The following XKRX variants were observed in gnomAD, a reference collection of about 807,000 sequenced individuals.
The protein encoded by XKRX is XK related X-linked.
Under a neutral mutation model 22.4 loss-of-function variants are expected in XKRX, and 11 were observed. The ratio of observed to expected loss-of-function variants is 0.49; its 90% CI spans 0.31 to 0.81. The LOEUF is 0.81. XKRX is among the 40% of genes least tolerant of loss of function. The probability of loss-of-function intolerance (pLI) is 0.05; values close to 1 mark genes in which losing one functional copy is unlikely to be tolerated. For missense variants in XKRX, 320 were observed against 336.5 expected (o/e 0.95, Z 0.38); for synonymous variants, 114 against 132.2 (o/e 0.86, Z 0.94).
At chrX:100,903,918 C>T in the XKRX span, among the ~76,000 whole-genome samples, 2 of 111,901 alleles carry the variant, frequency 1.8e-5, no homozygotes, top group African/African-American at 3.2e-5. Context: ...TTCCCAAATT[C>T]TTCTATAGCT....
At chrX:100,929,604 G>T (rs1444226538), upstream of XKRX, among the ~76,000 whole-genome samples, 2 of 111,685 alleles carry the variant, frequency 1.8e-5, no homozygotes, top group Non-Finnish European at 3.8e-5. Context: ...CATGAAGGGG[G>T]AACCTGGGAG....
chrX:100,954,216 T>G, the XKRX span, among the ~76,000 whole-genome samples: 1 of 110,869 alleles, frequency 9.0e-6, no homozygotes, highest in African/African-American at 3.3e-5. Flanking sequence ...GTCAGGAGTT[T>G]GAGACCAGCC....
chrX:100,927,961 G>A lies in XKRX; in HGVS notation c.335+9C>T. 1 of 1,175,090 alleles carries A rather than the reference G, an allele frequency of 8.5e-7. No homozygotes were observed. Among genetic ancestry groups the A allele is most frequent in the Non-Finnish European group, 1.1e-6 (1 of 879,664 alleles). ...AGGGGGGTAAGGAAAAGATTTAAAAGTTGCTCACCTGATAACAGGTCCCAA... is the reference window on the plus strand; with the variant it reads ...AGGGGGGTAAGGAAAAGATTTAAAAATTGCTCACCTGATAACAGGTCCCAA... On this transcript the variant is annotated intron_variant, in intron 1 of 2. Coordinates refer to ENST00000372956, the MANE Select transcript of XKRX (RefSeq NM_212559.3).
In XKRX at chrX:100,928,646, A is replaced by G; in HGVS notation, c.-342T>C. 1 of 827,125 alleles carries G rather than the reference A, an allele frequency of 1.2e-6. No homozygotes were observed. Among genetic ancestry groups the G allele is most frequent in the Non-Finnish European group, 1.5e-6 (1 of 687,439 alleles). The allele number at this position is 827,125 out of a possible 1,213,427, so 68.2% of individuals were successfully genotyped here. A position where few individuals can be genotyped will look rare whatever the true frequency, so the allele number is the denominator to read the frequency against. On this transcript the variant is annotated 5_prime_UTR_variant, in exon 1 of 3. The change abolishes an upstream ATG in the 5' untranslated region. Coordinates refer to ENST00000372956, the MANE Select transcript of XKRX (RefSeq NM_212559.3). Reference sequence around the variant, plus strand: ...TCCAACTCCAGGGACGTGAAGAGTCATGAGAACAGCGGCTTCCGTGGCGGC... The same window carrying G: ...TCCAACTCCAGGGACGTGAAGAGTCGTGAGAACAGCGGCTTCCGTGGCGGC...
At chrX:100,959,202 T>C in the XKRX span, among the ~76,000 whole-genome samples, 2 of 111,949 alleles carry the variant, frequency 1.8e-5, no homozygotes, top group Non-Finnish European at 3.8e-5. Flanking sequence ...CTTTTCCTCC[T>C]ATTGTTTTTA....
the XKRX span, among the ~76,000 whole-genome samples, chrX:100,951,221 C>T: frequency 2.7e-5 from 2 of 73,366 alleles, no homozygotes; most frequent in Non-Finnish European, 4.7e-5. Flanking sequence ...GCGACAAGAG[C>T]GAGGCTCCAT....
At chrX:100,892,291 G>A in the XKRX span, among the ~76,000 whole-genome samples, 1 of 111,546 alleles carries the variant, frequency 9.0e-6, no homozygotes, top group African/African-American at 3.3e-5. Context: ...AATTGTATAA[G>A]TAAAAATAAC....
the XKRX span, among the ~76,000 whole-genome samples, chrX:100,892,355 T>C: frequency 2.7e-5 from 3 of 111,787 alleles, no homozygotes; most frequent in African/African-American, 6.5e-5. Context: ...CTTGAGGGGA[T>C]GGATACCCCA....
the XKRX span, chrX:100,887,842 T>A: frequency 8.8e-7 from 1 of 1,136,192 alleles, no homozygotes; most frequent in Non-Finnish European, 1.2e-6. Context: ...TCCAAATTGC[T>A]TCCATCATTA....
chrX:100,957,974 CCT>C, the XKRX span, among the ~76,000 whole-genome samples: 3 of 110,980 alleles, frequency 2.7e-5, no homozygotes, highest in East Asian at 2.8e-4. Flanking sequence ...TCTGCCCACC[CCT>C]GAGTCAGCGT....
chrX:100,951,488 CA>C, the XKRX span, among the ~76,000 whole-genome samples: 1 of 109,209 alleles, frequency 9.2e-6, no homozygotes, highest in African/African-American at 3.3e-5. Flanking sequence ...GGAAAACACT[CA>C]AACAAATAAT....
chrX:100,909,574 CCTA>C (rs2085399370), downstream of XKRX, among the ~76,000 whole-genome samples: 1 of 111,677 alleles, frequency 9.0e-6, no homozygotes, highest in African/African-American at 3.2e-5. Context: ...GATAACAATA[CCTA>C]CCTCATAAGG....
At chrX:100,923,155 CTTTA>C in intron 1 of XKRX, 94 bp from the exon 2 acceptor site, 16 of 1,058,209 alleles carry the variant, frequency 1.5e-5, no homozygotes, top group Non-Finnish European at 2.0e-5. Context: ...GGTTGTGCTA[CTTTA>C]TTTTATTTTT....
chrX:100,934,644 T>C, the XKRX span, among the ~76,000 whole-genome samples: 481 of 111,947 alleles, frequency 4.3e-3, 1 homozygote, highest in African/African-American at 0.014. Context: ...TGACACATAA[T>C]ATTAACCACA....
upstream of XKRX, among the ~76,000 whole-genome samples, chrX:100,930,345 G>A (rs2085517401): frequency 9.2e-6 from 1 of 108,934 alleles, no homozygotes; most frequent in Admixed American, 9.8e-5. Flanking sequence ...ATGTAGCAGA[G>A]CCTGTGCCAA....
the XKRX span, among the ~76,000 whole-genome samples, chrX:100,944,449 G>A: frequency 1.8e-5 from 2 of 111,407 alleles, no homozygotes; most frequent in African/African-American, 3.3e-5. Context: ...TGCAACCTCC[G>A]CCTCCTGGGT....
At chrX:100,888,075 T>C in the XKRX span, 1 of 1,149,070 alleles carries the variant, frequency 8.7e-7, no homozygotes, top group Non-Finnish European at 1.2e-6. Flanking sequence ...AACTTCACAG[T>C]TGTGGCCATT....
At chrX:100,898,279 C>T in the XKRX span, among the ~76,000 whole-genome samples, 1 of 111,546 alleles carries the variant, frequency 9.0e-6, no homozygotes, top group Non-Finnish European at 1.9e-5. Flanking sequence ...AGCCTACATT[C>T]TTGGTGCAAG....
rs1237307744 is a variant in XKRX, at chrX:100,915,199, T to C, written c.605-116A>G. 4.0e-5 allele frequency: 31 copies of C among 768,169 alleles called. No individual in the cohort carries two copies. The African/African-American group carries it at 4.7e-4, about 12-fold the overall frequency. The allele number at this position is 768,169 out of a possible 1,213,427, so 63.3% of individuals were successfully genotyped here. A position where few individuals can be genotyped will look rare whatever the true frequency, so the allele number is the denominator to read the frequency against. ...ACGGGTGAGACTTGAGAGCTCCAGTTAAGAGCAAATGCAAATATGATCACA... is the reference window on the plus strand; with the variant it reads ...ACGGGTGAGACTTGAGAGCTCCAGTCAAGAGCAAATGCAAATATGATCACA... On this transcript the variant is annotated intron_variant, in intron 2 of 2. Transcript: ENST00000372956.
Sources: allele counts gnomAD v4.1 joint callset (sites outside exome capture counted in the v4.1 genomes callset), GRCh38; gene constraint gnomAD v4.1.1; transcripts MANE v1.5; gene names NCBI Gene and HGNC (gene_info 2026-07-23, HGNC 2026-07-21).